The following RGMB variants were observed in gnomAD, a reference collection of about 807,000 sequenced individuals.
RGMB encodes repulsive guidance molecule B.
RGMB carries 16 observed loss-of-function variants against 26.9 expected under a neutral mutation model. That is an observed-to-expected ratio of 0.60 (90% CI 0.40 to 0.90). The LOEUF is 0.90. Among genes scored for constraint, RGMB ranks in the 40% least tolerant of loss-of-function variants. The pLI is 0.00. For synonymous variants in RGMB, 225 were observed against 229.3 expected, an observed-to-expected ratio of 0.98 and a Z score of 0.17; for missense variants, 512 against 573.3, an observed-to-expected ratio of 0.89 and a Z score of 1.09.
upstream of RGMB, among the ~76,000 whole-genome samples, chr5:98,772,159 G>A (rs978120198): frequency 6.6e-6 from 1 of 152,200 alleles, no homozygotes; most frequent in Non-Finnish European, 1.5e-5. Flanking sequence ...CAACTGTGAA[G>A]CTATTATTAA....
rs1401269096 is a variant in RGMB at position 98,795,972 on chromosome 5, C to T, written c.*2219C>T. On this transcript the variant is annotated 3_prime_UTR_variant, in exon 3 of 3. Coordinates refer to ENST00000513185, the MANE Select transcript of RGMB (RefSeq NM_001366508.1). ...TGCCATATCATTTAGCTGGAAGTGA[C>T]ATTTAAAAGCACCCTGCATCACTAG... 6.6e-6 allele frequency: 1 copy of T among 152,110 alleles called. No individual in the cohort carries two copies. Among genetic ancestry groups the T allele is most frequent in the Non-Finnish European group, 1.5e-5 (1 of 68,010 alleles). The allele number at this position is 152,110 out of a possible 1,614,324, so 9.4% of individuals were successfully genotyped here.
At position 98,793,817 on chromosome 5, in the gene RGMB, CATA is replaced by C; in HGVS notation, c.*68_*70del. 1 of 1,223,968 alleles carries C rather than the reference CATA, an allele frequency of 8.2e-7. No individual in the cohort carries two copies. Among genetic ancestry groups the C allele is most frequent in the Non-Finnish European group, 1.1e-6 (1 of 895,490 alleles). The allele number at this position is 1,223,968 out of a possible 1,614,324, so 75.8% of individuals were successfully genotyped here. On this transcript the variant is annotated 3_prime_UTR_variant, in exon 3 of 3. Transcript: ENST00000513185. The stretch of plus-strand genomic sequence containing the variant: ...AACAAAATTTTAAAATATATATTGT[CATA>C]ATATATTGAGTAAAAGAGTATATAT...
At chr5:98,771,804 T>C (rs910371858), upstream of RGMB, 1 of 152,010 alleles carries the variant, frequency 6.6e-6, no homozygotes, top group Non-Finnish European at 1.5e-5. Flanking sequence ...GAGTAAAAAA[T>C]CATAGAAAGT....
chr5:98,774,004 G>A lies in RGMB; in HGVS notation c.-67G>A. 1.6e-6 allele frequency: 1 copy of A among 638,658 alleles called. No individual in the cohort carries two copies. Among genetic ancestry groups the A allele is most frequent in the Non-Finnish European group, 2.8e-6 (1 of 358,210 alleles). The allele number at this position is 638,658 out of a possible 1,614,324, so 39.6% of individuals were successfully genotyped here. On this transcript the variant is annotated 5_prime_UTR_variant, in exon 1 of 3. Coordinates refer to ENST00000513185, the MANE Select transcript of RGMB (RefSeq NM_001366508.1). ...CCCCCGGCCCATGCCGCAGCCACGG[G>A]CCCAGACCCGCCACGGCGCCCGCGC...
intron 2 of RGMB, among the ~76,000 whole-genome samples, chr5:98,791,623 G>A (rs1251566832): frequency 6.6e-6 from 1 of 152,160 alleles, no homozygotes; most frequent in East Asian, 1.9e-4. Context: ...CCTTCCTCCT[G>A]ACTGAAGTCA....
chr5:98,768,705 T>G (rs1353724176), upstream of RGMB: 1 of 152,252 alleles, frequency 6.6e-6, no homozygotes, highest in African/African-American at 2.4e-5. Flanking sequence ...ATCTTTATCT[T>G]TGGCTTTCTT....
In RGMB at chr5:98,793,417, G is replaced by C; in HGVS notation, c.978G>C (p.Gln326His). 6.2e-7 allele frequency: 1 copy of C among 1,612,466 alleles called. No homozygotes were observed. Among genetic ancestry groups the C allele is most frequent in the African/African-American group, 1.3e-5 (1 of 75,046 alleles). Residue 326 changes from glutamine (Q) to histidine (H), a missense_variant, in exon 3 of 3, where the codon CAG becomes CAC. Transcript: ENST00000513185. ...CPLSERIDDGQGQVSAILGHS... is the reference protein window; with the variant it reads ...CPLSERIDDGHGQVSAILGHS... ...TGAGTGAACGCATCGATGACGGGCA[G>C]GGCCAGGTGTCTGCCATCCTGGGAC...
intron 1 of RGMB, 58 bp from the exon 2 acceptor site, chr5:98,779,522 G>A: frequency 1.4e-6 from 2 of 1,435,232 alleles, no homozygotes; most frequent in Non-Finnish European, 1.9e-6. Flanking sequence ...ATTTTCTCAT[G>A]TAGCTCAGGA....
chr5:98,791,149 G>GT (rs1746918084), intron 2 of RGMB, among the ~76,000 whole-genome samples: 1 of 152,166 alleles, frequency 6.6e-6, no homozygotes, highest in South Asian at 2.1e-4. Flanking sequence ...CCTCCTTTGG[G>GT]TTGTTAAGAA....
chr5:98,793,545 T>G lies in RGMB; in HGVS notation c.1106T>G (p.Phe369Cys). 6.2e-7 allele frequency: 1 copy of G among 1,614,050 alleles called. No individual in the cohort carries two copies. Among genetic ancestry groups the G allele is most frequent in the South Asian group, 1.1e-5 (1 of 91,086 alleles). Residue 369 changes from phenylalanine (F) to cysteine (C), a missense_variant, in exon 3 of 3, where the codon TTC (phenylalanine) becomes TGC (cysteine). Transcript: ENST00000513185. ...AAGATGCCAGTGAAGGACATCTATTTCCAGTCCTGTGTCTTCGACCTGCTC... is the reference window on the plus strand; with the variant it reads ...AAGATGCCAGTGAAGGACATCTATTGCCAGTCCTGTGTCTTCGACCTGCTC... Reference protein sequence around the residue: ...HEKMPVKDIYFQSCVFDLLTT... With the variant: ...HEKMPVKDIYCQSCVFDLLTT...
intron 2 of RGMB, among the ~76,000 whole-genome samples, chr5:98,787,936 G>A (rs750470448): frequency 1.2e-4 from 18 of 152,108 alleles, no homozygotes; most frequent in Non-Finnish European, 2.5e-4. Context: ...TCAGCTCTGC[G>A]TGTCCTTCCC....
intron 2 of RGMB, among the ~76,000 whole-genome samples, chr5:98,792,009 A>T (rs183795073): frequency 6.6e-5 from 10 of 152,168 alleles, no homozygotes; most frequent in Admixed American, 6.5e-4. Context: ...GAGTTAAGGG[A>T]CTCTGGTGCT....
At chr5:98,783,004 T>C (rs1283107570) in intron 2 of RGMB, among the ~76,000 whole-genome samples, 1 of 152,244 alleles carries the variant, frequency 6.6e-6, no homozygotes, top group African/African-American at 2.4e-5. Context: ...CGGTGCTTAA[T>C]GATGTTGCCT....
At chr5:98,770,658 A>C (rs1746129800), upstream of RGMB, 3 of 1,456,492 alleles carry the variant, frequency 2.1e-6, no homozygotes, top group Non-Finnish European at 1.8e-6. Flanking sequence ...CCAGGAGCGA[A>C]AGGGTTAAGA....
At chr5:98,769,107 G>A (rs1746065581), upstream of RGMB, among the ~76,000 whole-genome samples, 1 of 152,224 alleles carries the variant, frequency 6.6e-6, no homozygotes, top group South Asian at 2.1e-4. Context: ...CTTTGTGCAA[G>A]ATTGAGTGTG....
At position 98,774,181 on chromosome 5, in the gene RGMB, G is replaced by A. The variant is rs1472425806; in HGVS notation, c.111G>A (p.Leu37=). 6.7e-7 allele frequency: 1 copy of A among 1,497,938 alleles called. No individual in the cohort carries two copies. Among genetic ancestry groups the A allele is most frequent in the East Asian group, 2.7e-5 (1 of 36,436 alleles). The allele number at this position is 1,497,938 out of a possible 1,614,324, so 92.8% of individuals were successfully genotyped here. A position where few individuals can be genotyped will look rare whatever the true frequency, so the allele number is the denominator to read the frequency against. Residue 37 remains leucine (L), a synonymous_variant, in exon 1 of 3, where the codon CTG becomes CTA. Coordinates refer to ENST00000513185, the MANE Select transcript of RGMB (RefSeq NM_001366508.1). ...CGCTGGAGCTGCTGCTGCTGCTGCT[G>A]TTCAGCCTCGGGCTGCTCCACGCAG... ...PPPLELLLLL[L]FSLGLLHAGD...
At chr5:98,792,871 G>A (rs1561447691) in intron 2 of RGMB, 3 of 406,256 alleles carry the variant, frequency 7.4e-6, no homozygotes, top group Non-Finnish European at 1.3e-5. Context: ...TTGATGCACA[G>A]ATTTATTTAA....
At chr5:98,781,465 G>A (rs1746603106) in intron 2 of RGMB, among the ~76,000 whole-genome samples, 2 of 152,048 alleles carry the variant, frequency 1.3e-5, no homozygotes, top group Non-Finnish European at 2.9e-5. Flanking sequence ...ATATGTATTT[G>A]CTATAAATTA....
At chr5:98,790,877 A>T (rs916610373) in intron 2 of RGMB, among the ~76,000 whole-genome samples, 2 of 152,216 alleles carry the variant, frequency 1.3e-5, no homozygotes, top group Non-Finnish European at 2.9e-5. Context: ...TGATTATATA[A>T]AAAGTCTATT....
Sources: gnomAD v4.1 joint callset for allele counts (sites outside exome capture counted in the v4.1 genomes callset) on GRCh38, gnomAD v4.1.1 for gene constraint, MANE v1.5 for transcripts, NCBI Gene and HGNC (gene_info 2026-07-23, HGNC 2026-07-21) for gene names.